ESR1: variants seen among roughly 807,000 people sequenced by gnomAD.
ESR1 encodes the protein estrogen receptor 1.
In ESR1, 12 loss-of-function variants were observed where a neutral mutation model predicts 52.7. The ratio of observed to expected loss-of-function variants is 0.23; its 90% confidence interval spans 0.15 to 0.37. The LOEUF is 0.37. ESR1 is among the 10% of genes least tolerant of loss of function. The probability of loss-of-function intolerance (pLI) is 1.00; values close to 1 mark genes in which losing one functional copy is unlikely to be tolerated. For synonymous variants in ESR1, 305 were observed against 316.8 expected, an observed-to-expected ratio of 0.96 and a Z score of 0.39; for missense variants, 584 against 779.7, an observed-to-expected ratio of 0.75 and a Z score of 2.99.
At chr6:151,680,973 T>A (rs1471978593) in intron 1 of ESR1, among the ~76,000 whole-genome samples, 1 of 152,162 alleles carries the variant, frequency 6.6e-6, no homozygotes, top group Non-Finnish European at 1.5e-5. Flanking sequence ...ACGCCCCGTC[T>A]CTGGGAGGAC....
chr6:151,977,963 G>GAAAAAAAAAAA (rs5880951), intron 4 of ESR1, among the ~76,000 whole-genome samples: 54 of 118,346 alleles, frequency 4.6e-4, no homozygotes, highest in Middle Eastern at 4.3e-3. Flanking sequence ...AAAAAAAAAA[G>GAAAAAAAAAAA]AAAAAAAAAA....
At chr6:151,742,891 C>T (rs1783201163) in intron 2 of ESR1, among the ~76,000 whole-genome samples, 1 of 152,140 alleles carries the variant, frequency 6.6e-6, no homozygotes. Context: ...AATTTCTTTC[C>T]TTCAGGTCTC....
intron 2 of ESR1, among the ~76,000 whole-genome samples, chr6:151,751,137 A>G (rs1276252003): frequency 6.6e-6 from 1 of 152,210 alleles, no homozygotes; most frequent in Non-Finnish European, 1.5e-5. Context: ...TGACTTTGCC[A>G]TATGATCCTA....
chr6:151,930,288 C>G (rs1321118326), intron 3 of ESR1, among the ~76,000 whole-genome samples: 1 of 152,078 alleles, frequency 6.6e-6, no homozygotes, highest in African/African-American at 2.4e-5. Context: ...CCCGGCTTAA[C>G]TATACTTCTT....
chr6:151,974,818 C>T (rs1466182165), intron 4 of ESR1, among the ~76,000 whole-genome samples: 1 of 152,104 alleles, frequency 6.6e-6, no homozygotes, highest in African/African-American at 2.4e-5. Flanking sequence ...TGTTGATCCC[C>T]AAAGCCGTCT....
rs192841420 is a variant in ESR1 at position 151,969,986 on chromosome 6, C to T, written c.1096+25478C>T. 3.3e-5 allele frequency among the ~76,000 whole-genome samples: 5 copies of T among 151,926 alleles called. No individual in the cohort carries two copies. The East Asian group carries it at 7.7e-4, about 24-fold the overall frequency. On this transcript the variant is annotated intron_variant, in intron 4 of 7. Coordinates refer to ENST00000206249, the MANE Select transcript of ESR1 (RefSeq NM_000125.4). ...GTCCCCTCCTTTCTAGTGATATTGC[C>T]GCTGTTCATTCCCAGCTGTTCTTGA...
At chr6:151,707,760 G>T (rs148808501) in intron 2 of ESR1, among the ~76,000 whole-genome samples, 3 of 151,878 alleles carry the variant, frequency 2.0e-5, no homozygotes, top group African/African-American at 7.3e-5. Flanking sequence ...TATTGTAGAA[G>T]TTCTCTTTAA....
chr6:152,013,255 T>C (rs2128787183), intron 5 of ESR1, among the ~76,000 whole-genome samples: 1 of 152,202 alleles, frequency 6.6e-6, no homozygotes, highest in Non-Finnish European at 1.5e-5. Context: ...TTCTTTCTCC[T>C]GTCCTCTTAA....
chr6:152,064,058 C>A (rs2047766949), intron 6 of ESR1, among the ~76,000 whole-genome samples: 1 of 152,158 alleles, frequency 6.6e-6, no homozygotes, highest in African/African-American at 2.4e-5. Context: ...ATCATTTCTG[C>A]CCCATTTAGA....
At position 151,883,314 on chromosome 6, in the gene ESR1, C is replaced by T. The variant is rs965714186; in HGVS notation, c.760+2543C>T. On this transcript the variant is annotated intron_variant, in intron 3 of 7. Transcript: ENST00000206249. ...TTTGTGTTTTTTTTTTTTGTAGAGACGGAGTTTCACTCTATGTTGGCCAGG... is the reference window on the plus strand; with the variant it reads ...TTTGTGTTTTTTTTTTTTGTAGAGATGGAGTTTCACTCTATGTTGGCCAGG... 6.6e-5 allele frequency among the ~76,000 whole-genome samples: 10 copies of T among 150,806 alleles called. No homozygotes were observed. In the South Asian group the frequency reaches 8.4e-4, roughly 13 times the overall value.
intron 2 of ESR1, among the ~76,000 whole-genome samples, chr6:151,756,225 C>T (rs1361556503): frequency 6.6e-6 from 1 of 152,016 alleles, no homozygotes. Context: ...ATTTTACTCC[C>T]TTACTAAATT....
chr6:151,784,508 C>A (rs1786835496), intron 2 of ESR1, among the ~76,000 whole-genome samples: 1 of 152,124 alleles, frequency 6.6e-6, no homozygotes, highest in South Asian at 2.1e-4. Context: ...TACCATGTTT[C>A]CATCAAATAA....
chr6:151,850,427 G>GGAGA (rs1239225584), intron 2 of ESR1, among the ~76,000 whole-genome samples: 1 of 150,212 alleles, frequency 6.7e-6, no homozygotes, highest in Non-Finnish European at 1.5e-5. Flanking sequence ...GAGAGAGGGA[G>GGAGA]GAGAGAGAGG....
At chr6:151,880,209 T>G (rs1204218536) in intron 2 of ESR1, among the ~76,000 whole-genome samples, 10 of 127,738 alleles carry the variant, frequency 7.8e-5, no homozygotes, top group African/African-American at 8.8e-5. Flanking sequence ...TTGAGATGGA[T>G]TCTCACTCTG....
intron 2 of ESR1, among the ~76,000 whole-genome samples, chr6:151,869,756 A>T (rs1790619824): frequency 1.3e-5 from 2 of 152,200 alleles, no homozygotes; most frequent in Admixed American, 6.5e-5. Flanking sequence ...TTCCTTTTTT[A>T]AAAATTTTTT....
chr6:151,782,504 T>A (rs1269798216), intron 2 of ESR1, among the ~76,000 whole-genome samples: 1 of 152,246 alleles, frequency 6.6e-6, no homozygotes, highest in Admixed American at 6.5e-5. Context: ...AATGGATATC[T>A]CTGTTTGTTA....
At chr6:151,701,666 C>T (rs960117911) in intron 1 of ESR1, among the ~76,000 whole-genome samples, 7 of 152,074 alleles carry the variant, frequency 4.6e-5, no homozygotes, top group Admixed American at 4.6e-4. Flanking sequence ...AGCTTAAGCC[C>T]TACTCAGCTT....
intron 2 of ESR1, among the ~76,000 whole-genome samples, chr6:151,775,504 T>C (rs1785884649): frequency 6.6e-6 from 1 of 152,000 alleles, no homozygotes; most frequent in African/African-American, 2.4e-5. Flanking sequence ...TCCCAGCACT[T>C]TGGGAAGCCG....
chr6:151,708,096 AATATTT>A (rs1780319195), intron 2 of ESR1, among the ~76,000 whole-genome samples: 1 of 152,108 alleles, frequency 6.6e-6, no homozygotes, highest in Non-Finnish European at 1.5e-5. Flanking sequence ...CACACAACCC[AATATTT>A]ACACATGCAC....
Sources: allele counts gnomAD v4.1 joint callset (sites outside exome capture counted in the v4.1 genomes callset), GRCh38; gene constraint gnomAD v4.1.1; transcripts MANE v1.5; gene names NCBI Gene and HGNC (gene_info 2026-07-23, HGNC 2026-07-21).